The following LRRC4C variants were observed in gnomAD, a reference collection of about 807,000 sequenced individuals.
LRRC4C encodes the protein leucine rich repeat containing 4C, also known as leucine-rich repeat-containing protein 4C.
In LRRC4C, 5 loss-of-function variants were observed where a neutral mutation model predicts 33.6. The ratio of observed to expected loss-of-function variants is 0.15; its 90% CI spans 0.08 to 0.31. The LOEUF (loss-of-function observed/expected upper bound fraction) is 0.31, where lower values mean the gene tolerates loss of function less well. Among genes scored for constraint, LRRC4C ranks in the 10% least tolerant of loss-of-function variants. The pLI, the probability that LRRC4C is intolerant of heterozygous loss-of-function variation, is 1.00. For synonymous variants in LRRC4C, 329 were observed against 302.0 expected (o/e 1.09, Z -0.93); for missense variants, 560 against 796.7 (o/e 0.70, Z 3.58).
chr11:40,219,235 A>G (rs967881746), intron 5 of LRRC4C, among the ~76,000 whole-genome samples: 1 of 152,220 alleles, frequency 6.6e-6, no homozygotes, highest in Non-Finnish European at 1.5e-5. Flanking sequence ...CAAGTATTCA[A>G]TGGTCACCTG....
At chr11:40,562,653 A>T (rs947697637) in intron 3 of LRRC4C, among the ~76,000 whole-genome samples, 1 of 152,084 alleles carries the variant, frequency 6.6e-6, no homozygotes, top group East Asian at 1.9e-4. Context: ...TCATTATTTC[A>T]AACTACCTTA....
intron 1 of LRRC4C, among the ~76,000 whole-genome samples, chr11:40,959,324 G>A (rs979707448): frequency 6.6e-6 from 1 of 151,566 alleles, no homozygotes; most frequent in Non-Finnish European, 1.5e-5. Flanking sequence ...ATCCTAGTTT[G>A]TCCAGAATAT....
chr11:40,513,232 G>T (rs1429912614), intron 3 of LRRC4C, among the ~76,000 whole-genome samples: 10 of 123,814 alleles, frequency 8.1e-5, no homozygotes, highest in Non-Finnish European at 6.3e-5. Flanking sequence ...CTGGGCGACA[G>T]AGTGAGACTC....
chr11:41,286,453 G>A (rs1336230300), intron 1 of LRRC4C, among the ~76,000 whole-genome samples: 1 of 152,162 alleles, frequency 6.6e-6, no homozygotes, highest in Non-Finnish European at 1.5e-5. Flanking sequence ...ACCCAGCACA[G>A]AGAACCAAGG....
chr11:40,587,116 G>A (rs1343054333), intron 3 of LRRC4C, among the ~76,000 whole-genome samples: 1 of 151,974 alleles, frequency 6.6e-6, no homozygotes, highest in Admixed American at 6.6e-5. Flanking sequence ...AGCATGGAAT[G>A]TTCTTCCATT....
At chr11:40,573,371 C>G (rs915772979) in intron 3 of LRRC4C, among the ~76,000 whole-genome samples, 7 of 152,240 alleles carry the variant, frequency 4.6e-5, no homozygotes, top group Middle Eastern at 3.4e-3. Context: ...CCTTTATAGC[C>G]TCTCTGACTA....
intron 1 of LRRC4C, among the ~76,000 whole-genome samples, chr11:41,235,603 C>T (rs1470747430): frequency 6.6e-6 from 1 of 152,098 alleles, no homozygotes. Flanking sequence ...TATGTAACAA[C>T]CAGTACGTCT....
chr11:41,182,966 G>T (rs1263301460), intron 1 of LRRC4C, among the ~76,000 whole-genome samples: 1 of 152,042 alleles, frequency 6.6e-6, no homozygotes, highest in Non-Finnish European at 1.5e-5. Context: ...GACAGGAAGA[G>T]AGAGAGAGAT....
At chr11:41,343,098 T>C (rs1177128032) in intron 1 of LRRC4C, among the ~76,000 whole-genome samples, 2 of 152,228 alleles carry the variant, frequency 1.3e-5, no homozygotes, top group Non-Finnish European at 2.9e-5. Flanking sequence ...TAATCCAAGA[T>C]GATCTCATCA....
intron 3 of LRRC4C, among the ~76,000 whole-genome samples, chr11:40,487,927 A>G (rs530958926): frequency 6.6e-6 from 1 of 152,236 alleles, no homozygotes; most frequent in African/African-American, 2.4e-5. Context: ...ATTCCCACAA[A>G]TTATATAATC....
intron 3 of LRRC4C, among the ~76,000 whole-genome samples, chr11:40,429,569 A>T (rs1323803765): frequency 3.8e-5 from 2 of 52,114 alleles, no homozygotes; most frequent in Non-Finnish European, 8.2e-5. Flanking sequence ...CAATAATAAT[A>T]AAAAAAAAAC....
At chr11:40,655,537 A>G (rs1378562557) in intron 2 of LRRC4C, among the ~76,000 whole-genome samples, 2 of 152,218 alleles carry the variant, frequency 1.3e-5, no homozygotes, top group Non-Finnish European at 2.9e-5. Flanking sequence ...TCTTGGTGGT[A>G]AAAGTTTTGC....
intron 2 of LRRC4C, among the ~76,000 whole-genome samples, chr11:40,826,711 G>T (rs1489711222): frequency 6.6e-6 from 1 of 151,956 alleles, no homozygotes. Context: ...GACACAACAG[G>T]CAATTCAAGT....
intron 3 of LRRC4C, among the ~76,000 whole-genome samples, chr11:40,470,524 C>T (rs139401333): frequency 0.028 from 4,267 of 152,236 alleles, 73 homozygotes; most frequent in Middle Eastern, 0.034. Flanking sequence ...CAAAACTGGA[C>T]GGAGAATGAG....
chr11:40,550,357 C>T (rs1225732861), intron 3 of LRRC4C, among the ~76,000 whole-genome samples: 1 of 152,086 alleles, frequency 6.6e-6, no homozygotes, highest in Non-Finnish European at 1.5e-5. Flanking sequence ...ATTTTATCAT[C>T]TTTGTTGAGG....
chr11:41,167,973 T>C (rs906099580), intron 1 of LRRC4C, among the ~76,000 whole-genome samples: 2 of 152,196 alleles, frequency 1.3e-5, no homozygotes, highest in South Asian at 4.1e-4. Context: ...AGTGGTCCAA[T>C]GGTCAGGACA....
intron 1 of LRRC4C, among the ~76,000 whole-genome samples, chr11:40,999,367 C>T (rs1020637861): frequency 5.3e-5 from 8 of 152,114 alleles, no homozygotes; most frequent in Admixed American, 2.0e-4. Context: ...AACTCTACTA[C>T]GGACAGTCTG....
At chr11:40,455,357 C>T (rs976761712) in intron 3 of LRRC4C, among the ~76,000 whole-genome samples, 6 of 152,164 alleles carry the variant, frequency 3.9e-5, no homozygotes, top group Non-Finnish European at 7.3e-5. Flanking sequence ...CAAGGATAGG[C>T]ATCCATCTGT....
intron 3 of LRRC4C, among the ~76,000 whole-genome samples, chr11:40,336,955 GGA>G (rs1185331983): frequency 1.6e-5 from 2 of 125,548 alleles, no homozygotes; most frequent in Non-Finnish European, 1.6e-5. Context: ...CCAGCCTGGG[GGA>G]CAGAGCGAGA....
Sources: allele counts gnomAD v4.1 joint callset (sites outside exome capture counted in the v4.1 genomes callset), GRCh38; gene constraint gnomAD v4.1.1; transcripts MANE v1.5; gene names NCBI Gene and HGNC (gene_info 2026-07-23, HGNC 2026-07-21).